SNX30: variants seen among roughly 807,000 people sequenced by gnomAD.
SNX30 encodes sorting nexin-30.
Under a neutral mutation model 46.4 loss-of-function variants are expected in SNX30, and 24 were observed. The ratio of observed to expected loss-of-function variants is 0.52; its 90% CI spans 0.37 to 0.73. The LOEUF (loss-of-function observed/expected upper bound fraction) is 0.73, where lower values mean the gene tolerates loss of function less well. Ranked by LOEUF, SNX30 falls within the 30% of genes least tolerant of loss-of-function variation. The pLI is 0.00. For synonymous variants in SNX30, 189 were observed against 211.5 expected, an observed-to-expected ratio of 0.89 and a Z score of 0.92; for missense variants, 533 against 555.7, an observed-to-expected ratio of 0.96 and a Z score of 0.41.
chr9:112,761,104 G>A (rs555360232), intron 1 of SNX30, among the ~76,000 whole-genome samples: 22 of 152,314 alleles, frequency 1.4e-4, no homozygotes, highest in African/African-American at 4.6e-4. Context: ...GTGCTGTGAT[G>A]TGGAGGTTAG....
intron 4 of SNX30, among the ~76,000 whole-genome samples, chr9:112,832,332 A>G (rs1303131660): frequency 2.0e-5 from 3 of 152,058 alleles, no homozygotes; most frequent in African/African-American, 4.8e-5. Context: ...TTTTCCAGAA[A>G]GCCCTTAAGC....
At chr9:112,790,887 G>T (rs73548658) in intron 1 of SNX30, among the ~76,000 whole-genome samples, 1,667 of 152,302 alleles carry the variant, frequency 0.011, 26 homozygotes, top group African/African-American at 0.037. Flanking sequence ...GCAGATCACT[G>T]TATGAGTTCA....
intron 1 of SNX30, among the ~76,000 whole-genome samples, chr9:112,770,541 G>A (rs1229465838): frequency 6.6e-6 from 1 of 152,096 alleles, no homozygotes; most frequent in East Asian, 1.9e-4. Flanking sequence ...AATCCTCCAT[G>A]GGCTCCAAGT....
chr9:112,831,022 C>T (rs886985569), intron 4 of SNX30, 139 bp downstream of exon 4: 4 of 851,674 alleles, frequency 4.7e-6, no homozygotes, highest in African/African-American at 1.7e-5. Flanking sequence ...CCTGTAGTCC[C>T]AGCTACCTGG....
chr9:112,881,240 C>T (rs1254541789), intron 5 of SNX30, among the ~76,000 whole-genome samples: 1 of 152,200 alleles, frequency 6.6e-6, no homozygotes, highest in Non-Finnish European at 1.5e-5. Flanking sequence ...AGGTTCTAAG[C>T]TACAGCGCAG....
At chr9:112,783,306 T>C (rs1281340466) in intron 1 of SNX30, among the ~76,000 whole-genome samples, 1 of 152,012 alleles carries the variant, frequency 6.6e-6, no homozygotes, top group East Asian at 1.9e-4. Context: ...GTCTTTTAAC[T>C]TTCCTGGTCT....
Position 112,756,062 on chromosome 9 carries a change from G to C in SNX30, c.156+4905G>C, listed in dbSNP as rs114644381. ...ATACATGAAGTTTATAACAATGTGTGTATATAAAGAGTAAAAGTTATCTGT... is the reference window on the plus strand; with the variant it reads ...ATACATGAAGTTTATAACAATGTGTCTATATAAAGAGTAAAAGTTATCTGT... On this transcript the variant is annotated intron_variant, in intron 1 of 8. Coordinates refer to ENST00000374232, the MANE Select transcript of SNX30 (RefSeq NM_001012994.2). 3.5e-3 allele frequency among the ~76,000 whole-genome samples: 535 copies of C among 152,268 alleles called. 4 individuals are homozygous for C. The highest frequency in any genetic ancestry group is 0.013 in the African/African-American group (522 of 41,550).
chr9:112,776,821 G>A (rs1210216660), intron 1 of SNX30, among the ~76,000 whole-genome samples: 1 of 152,176 alleles, frequency 6.6e-6, no homozygotes, highest in Non-Finnish European at 1.5e-5. Flanking sequence ...AGGACAGCAG[G>A]CTGGATGGAC....
downstream of SNX30, among the ~76,000 whole-genome samples, chr9:112,882,216 C>T (rs1006348513): frequency 8.5e-5 from 13 of 152,304 alleles, no homozygotes; most frequent in African/African-American, 2.6e-4. Context: ...AAGCAATCCT[C>T]GCACATCAGC....
At chr9:112,771,846 G>C (rs1839654580) in intron 1 of SNX30, among the ~76,000 whole-genome samples, 1 of 152,188 alleles carries the variant, frequency 6.6e-6, no homozygotes, top group Non-Finnish European at 1.5e-5. Flanking sequence ...GTGCTTTTCT[G>C]GTAGTTTTTC....
At chr9:112,864,983 G>A (rs187063785) in intron 8 of SNX30, among the ~76,000 whole-genome samples, 8 of 77,784 alleles carry the variant, frequency 1.0e-4, no homozygotes, top group Non-Finnish European at 1.6e-4. Flanking sequence ...GCACGCACAT[G>A]CGCGTGCACA....
intron 2 of SNX30, among the ~76,000 whole-genome samples, chr9:112,817,332 T>A (rs1384329417): frequency 1.4e-5 from 2 of 138,320 alleles, no homozygotes; most frequent in African/African-American, 5.6e-5. Flanking sequence ...ATGAATCAAA[T>A]GTTTCTAAAC....
chr9:112,805,065 A>C, intron 2 of SNX30, 98 bp downstream of exon 2: 2 of 796,046 alleles, frequency 2.5e-6, no homozygotes, highest in East Asian at 2.7e-5. Context: ...TTATTGTACA[A>C]CTCTGTTCAC....
At chr9:112,788,243 C>G (rs787275) in intron 1 of SNX30, among the ~76,000 whole-genome samples, 134,017 of 152,002 alleles carry the variant, frequency 0.88, 59,297 homozygotes, top group Middle Eastern at 0.93. Flanking sequence ...AATCAACAAG[C>G]ACATACTCAG....
chr9:112,857,658 A>G (rs913954294), intron 7 of SNX30, among the ~76,000 whole-genome samples: 3 of 152,162 alleles, frequency 2.0e-5, no homozygotes, highest in Non-Finnish European at 2.9e-5. Flanking sequence ...GAGAGCAGAT[A>G]ATGTGACATC....
chr9:112,865,661 A>ATATATATATATGTGTGTG, intron 8 of SNX30, among the ~76,000 whole-genome samples: 10 of 105,680 alleles, frequency 9.5e-5, no homozygotes, highest in African/African-American at 3.4e-4. Flanking sequence ...ATATATATAT[A>ATATATATATATGTGTGTG]TGTATGTATG....
intron 1 of SNX30, among the ~76,000 whole-genome samples, chr9:112,776,429 C>G (rs1451437541): frequency 6.6e-6 from 1 of 152,180 alleles, no homozygotes; most frequent in African/African-American, 2.4e-5. Flanking sequence ...TGGACCTCCT[C>G]TGACTGTGAT....
chr9:112,838,826 G>GTGGACTGACATCA, intron 6 of SNX30, 129 bp downstream of exon 6: 1 of 764,502 alleles, frequency 1.3e-6, no homozygotes, highest in Non-Finnish European at 2.1e-6. Context: ...GATCAGACAC[G>GTGGACTGACATCA]TGGACTGACA....
At chr9:112,849,179 G>A (rs547112837) in intron 6 of SNX30, among the ~76,000 whole-genome samples, 3 of 152,296 alleles carry the variant, frequency 2.0e-5, no homozygotes, top group East Asian at 1.9e-4. Context: ...ACATTTGCAC[G>A]TCCATGGAGA....
Sources: allele counts gnomAD v4.1 joint callset (sites outside exome capture counted in the v4.1 genomes callset), GRCh38; gene constraint gnomAD v4.1.1; transcripts MANE v1.5; gene names NCBI Gene and HGNC (gene_info 2026-07-23, HGNC 2026-07-21).